The following TAFA4 variants were observed in gnomAD, a reference collection of about 807,000 sequenced individuals.
The protein encoded by TAFA4 is chemokine-like protein TAFA-4.
A neutral mutation model predicts 21.1 loss-of-function variants in TAFA4; 20 were observed. That is an observed-to-expected ratio of 0.95 (90% CI 0.67 to 1.38). The LOEUF (loss-of-function observed/expected upper bound fraction) is 1.38. Ranked by LOEUF, TAFA4 falls within the 40% of genes most tolerant of loss-of-function variation. TAFA4 has a pLI of 0.00. For synonymous variants in TAFA4, 71 were observed against 67.4 expected (o/e 1.05, Z -0.26); for missense variants, 211 against 180.9 (o/e 1.17, Z -0.95).
intron 3 of TAFA4, among the ~76,000 whole-genome samples, chr3:68,833,400 C>T (rs750794842): frequency 2.6e-5 from 4 of 152,130 alleles, no homozygotes; most frequent in South Asian, 2.1e-4. Context: ...ATTCAGTGTA[C>T]GTACAGCCAG....
At chr3:68,821,741 G>A (rs1279572212) in intron 3 of TAFA4, among the ~76,000 whole-genome samples, 5 of 152,052 alleles carry the variant, frequency 3.3e-5, no homozygotes, top group African/African-American at 1.2e-4. Context: ...GCCATAAAGA[G>A]TGAAGCCTGA....
intron 3 of TAFA4, among the ~76,000 whole-genome samples, chr3:68,865,152 A>G (rs2106928543): frequency 6.6e-6 from 1 of 152,294 alleles, no homozygotes; most frequent in East Asian, 1.9e-4. Flanking sequence ...ACAAAAATAA[A>G]ATATGTGCAT....
intron 3 of TAFA4, among the ~76,000 whole-genome samples, chr3:68,799,845 G>C (rs1344996370): frequency 1.3e-5 from 2 of 152,146 alleles, no homozygotes; most frequent in Non-Finnish European, 2.9e-5. Context: ...CAGTGAGTTA[G>C]CAAAGCTTCA....
chr3:68,928,987 A>T (rs953860162), intron 1 of TAFA4, among the ~76,000 whole-genome samples: 39 of 11,640 alleles, frequency 3.4e-3, no homozygotes, highest in Non-Finnish European at 8.7e-3. Context: ...AAGTTTATTT[A>T]AAAAAAAAAA....
chr3:68,882,146 A>T (rs530288992), intron 2 of TAFA4, among the ~76,000 whole-genome samples: 1 of 152,312 alleles, frequency 6.6e-6, no homozygotes, highest in South Asian at 2.1e-4. Flanking sequence ...GCCCTTTTAA[A>T]CTGTTTCAAA....
chr3:68,785,376 C>T (rs1040383564), intron 3 of TAFA4, among the ~76,000 whole-genome samples: 7 of 152,198 alleles, frequency 4.6e-5, no homozygotes, highest in Non-Finnish European at 8.8e-5. Context: ...GCGCTCTCGT[C>T]GGGGAGGCTC....
At chr3:68,823,763 C>G (rs1031948055) in intron 3 of TAFA4, among the ~76,000 whole-genome samples, 1 of 152,168 alleles carries the variant, frequency 6.6e-6, no homozygotes, top group Non-Finnish European at 1.5e-5. Flanking sequence ...TCATTCACGT[C>G]CCTACAAAGG....
At chr3:68,807,702 T>C (rs1436516437) in intron 3 of TAFA4, among the ~76,000 whole-genome samples, 2 of 152,194 alleles carry the variant, frequency 1.3e-5, no homozygotes, top group Non-Finnish European at 2.9e-5. Context: ...AGGAGTGCCA[T>C]TATGTCAATC....
At chr3:68,811,881 C>A (rs912993030) in intron 3 of TAFA4, among the ~76,000 whole-genome samples, 2 of 151,978 alleles carry the variant, frequency 1.3e-5, no homozygotes, top group Non-Finnish European at 2.9e-5. Flanking sequence ...GTCAGATTCA[C>A]CAAAGTTGAA....
intron 3 of TAFA4, among the ~76,000 whole-genome samples, chr3:68,773,533 C>A (rs1403259439): frequency 6.6e-6 from 1 of 152,156 alleles, no homozygotes; most frequent in African/African-American, 2.4e-5. Context: ...TCTACCCATG[C>A]AGACACTGGA....
chr3:68,824,436 G>A (rs560086662), intron 3 of TAFA4, among the ~76,000 whole-genome samples: 2 of 148,288 alleles, frequency 1.3e-5, no homozygotes, highest in African/African-American at 2.5e-5. Context: ...TCCGACCTCC[G>A]TTTCCATCAT....
chr3:68,874,141 C>A (rs1308190785), intron 3 of TAFA4, among the ~76,000 whole-genome samples: 4 of 152,184 alleles, frequency 2.6e-5, no homozygotes, highest in African/African-American at 9.6e-5. Flanking sequence ...GCCCTTCTAA[C>A]CCTGTCGGAC....
At chr3:68,755,680 C>G (rs1575596663) in intron 3 of TAFA4, among the ~76,000 whole-genome samples, 1 of 152,220 alleles carries the variant, frequency 6.6e-6, no homozygotes, top group South Asian at 2.1e-4. Flanking sequence ...CCTCAGATCA[C>G]TCACTCAGGG....
chr3:68,767,341 T>C (rs1016873449), intron 3 of TAFA4, among the ~76,000 whole-genome samples: 1 of 151,792 alleles, frequency 6.6e-6, no homozygotes, highest in African/African-American at 2.4e-5. Flanking sequence ...AACTAGCCAG[T>C]AGAGAAGAGA....
intron 1 of TAFA4, among the ~76,000 whole-genome samples, chr3:68,926,216 C>G (rs926788934): frequency 6.1e-5 from 9 of 146,476 alleles, no homozygotes; most frequent in African/African-American, 2.3e-4. Flanking sequence ...GCAACAGAGA[C>G]TCTGTCTCCA....
At chr3:68,887,356 G>T (rs1044093539) in intron 1 of TAFA4, among the ~76,000 whole-genome samples, 6 of 152,138 alleles carry the variant, frequency 3.9e-5, no homozygotes, top group African/African-American at 1.2e-4. Context: ...CTGTGGCTTT[G>T]CTGGACCCGA....
At position 68,743,291 on chromosome 3, in the gene TAFA4, C is replaced by G. The variant is rs182821581; in HGVS notation, c.287-4092G>C. 1.3e-4 allele frequency among the ~76,000 whole-genome samples: 20 copies of G among 152,156 alleles called. No individual in the cohort carries two copies. The East Asian group carries it at 3.9e-3, about 29-fold the overall frequency. On this transcript the variant is annotated intron_variant, in intron 4 of 5. Transcript: ENST00000295569. ...AGGTAAAACCTAATAAAGTTATATT[C>G]TTGGCCAGGCATGGTACCTCACACC...
At position 68,732,798 on chromosome 3, in the gene TAFA4, C is replaced by A. The variant is rs977697728; in HGVS notation, c.*344G>T. On this transcript the variant is annotated 3_prime_UTR_variant, in exon 6 of 6. Transcript: ENST00000295569. Reference sequence around the variant, plus strand: ...ACCCTTTGGAACATACATCCAAGTTCTTTTGTAAAAGCAGAAAGAAAGTGA... The same window carrying A: ...ACCCTTTGGAACATACATCCAAGTTATTTTGTAAAAGCAGAAAGAAAGTGA... 3.7e-6 allele frequency: 1 copy of A among 267,892 alleles called. No homozygotes were observed. The highest frequency in any genetic ancestry group is 2.2e-5 in the African/African-American group (1 of 45,758). 16.6% of individuals were successfully genotyped at this position (267,892 alleles called of 1,614,324 possible).
At chr3:68,824,488 C>G (rs1474524937) in intron 3 of TAFA4, among the ~76,000 whole-genome samples, 1 of 152,190 alleles carries the variant, frequency 6.6e-6, no homozygotes, top group Non-Finnish European at 1.5e-5. Context: ...CTCCTCCTTT[C>G]ATGTAAAAGG....
Sources: gnomAD v4.1 joint callset for allele counts (sites outside exome capture counted in the v4.1 genomes callset) on GRCh38, gnomAD v4.1.1 for gene constraint, MANE v1.5 for transcripts, NCBI Gene and HGNC (gene_info 2026-07-23, HGNC 2026-07-21) for gene names.